Variants in ZNF804B observed in about 807,000 individuals in gnomAD.
The protein encoded by ZNF804B is zinc finger 804B.
A neutral mutation model predicts 101.4 loss-of-function variants in ZNF804B; 80 were observed. The observed-to-expected ratio is 0.79, with a 90% CI of 0.66 to 0.95. The LOEUF is 0.95. ZNF804B is among the 40% of genes least tolerant of loss of function. ZNF804B has a pLI of 0.00. For synonymous variants in ZNF804B, 622 were observed against 558.8 expected (o/e 1.11, Z -1.59); for missense variants, 1,673 against 1,561.9 (o/e 1.07, Z -1.20).
intron 1 of ZNF804B, among the ~76,000 whole-genome samples, chr7:88,849,869 T>C (rs974774531): frequency 6.6e-6 from 1 of 151,982 alleles, no homozygotes; most frequent in Non-Finnish European, 1.5e-5. Flanking sequence ...AAGGCAAAAT[T>C]ATTTTAAACT....
chr7:88,918,276 G>A (rs1274737703), intron 1 of ZNF804B, among the ~76,000 whole-genome samples: 3 of 152,042 alleles, frequency 2.0e-5, no homozygotes, highest in Non-Finnish European at 4.4e-5. Flanking sequence ...TATGCAATGC[G>A]TTAGAATTAT....
At chr7:89,096,168 AAAAG>A (rs1789969708) in intron 1 of ZNF804B, among the ~76,000 whole-genome samples, 1 of 151,872 alleles carries the variant, frequency 6.6e-6, no homozygotes, top group South Asian at 2.1e-4. Flanking sequence ...AAAAAAAAAA[AAAAG>A]AAAATCAGTA....
intron 1 of ZNF804B, among the ~76,000 whole-genome samples, chr7:88,954,694 T>C (rs1793277092): frequency 1.3e-5 from 2 of 151,716 alleles, no homozygotes; most frequent in Non-Finnish European, 2.9e-5. Context: ...GGGTCACCTG[T>C]TAAGGTATCT....
chr7:88,875,501 A>G (rs1791916990), intron 1 of ZNF804B, among the ~76,000 whole-genome samples: 1 of 152,212 alleles, frequency 6.6e-6, no homozygotes, highest in Admixed American at 6.5e-5. Context: ...CCACAGAAAT[A>G]CAAACTACCA....
intron 1 of ZNF804B, among the ~76,000 whole-genome samples, chr7:88,834,512 A>T (rs1431470182): frequency 6.6e-6 from 1 of 151,794 alleles, no homozygotes; most frequent in African/African-American, 2.4e-5. Flanking sequence ...ATGGAGTTAA[A>T]GTAATAGAAA....
intron 1 of ZNF804B, among the ~76,000 whole-genome samples, chr7:89,180,112 A>G (rs1788274588): frequency 6.6e-6 from 1 of 152,166 alleles, no homozygotes; most frequent in Non-Finnish European, 1.5e-5. Flanking sequence ...ACGTCAGCAC[A>G]GTACTGAGTC....
chr7:89,279,764 T>C (rs972989884), intron 2 of ZNF804B, among the ~76,000 whole-genome samples: 43 of 152,012 alleles, frequency 2.8e-4, no homozygotes, highest in Admixed American at 2.6e-3. Context: ...CAGTATTTTA[T>C]TGAGGATTTT....
chr7:89,289,984 G>A (rs965362324), intron 2 of ZNF804B, among the ~76,000 whole-genome samples: 1 of 152,176 alleles, frequency 6.6e-6, no homozygotes. Context: ...AGAGAGAAGA[G>A]TAAAGAGGAC....
At chr7:89,069,666 A>G (rs886753135) in intron 1 of ZNF804B, among the ~76,000 whole-genome samples, 17 of 152,088 alleles carry the variant, frequency 1.1e-4, no homozygotes, top group African/African-American at 3.9e-4. Flanking sequence ...TATGTTTGGA[A>G]CTGTATACAG....
At chr7:88,984,321 A>G (rs1017990183) in intron 1 of ZNF804B, among the ~76,000 whole-genome samples, 4 of 152,102 alleles carry the variant, frequency 2.6e-5, no homozygotes, top group Non-Finnish European at 5.9e-5. Context: ...GAATTTAACT[A>G]GATTGCAAAT....
intron 1 of ZNF804B, among the ~76,000 whole-genome samples, chr7:88,856,960 C>G (rs1020857454): frequency 1.3e-5 from 2 of 152,104 alleles, no homozygotes; most frequent in Non-Finnish European, 1.5e-5. Context: ...ATGAAGCCCA[C>G]TTGATCATGG....
At chr7:89,099,439 GA>G (rs1291558296) in intron 1 of ZNF804B, among the ~76,000 whole-genome samples, 1 of 152,156 alleles carries the variant, frequency 6.6e-6, no homozygotes, top group African/African-American at 2.4e-5. Flanking sequence ...TGCTCACTGG[GA>G]AGCAGCAGCC....
chr7:89,307,723 G>A (rs1450893393), intron 2 of ZNF804B, among the ~76,000 whole-genome samples: 1 of 151,816 alleles, frequency 6.6e-6, no homozygotes, highest in East Asian at 1.9e-4. Context: ...TTTACATGAG[G>A]CACTAATTAT....
chr7:89,073,167 C>G (rs73391237), intron 1 of ZNF804B, among the ~76,000 whole-genome samples: 3,355 of 152,220 alleles, frequency 0.022, 156 homozygotes, highest in African/African-American at 0.076. Context: ...CACTGGAAGT[C>G]AGCATAGGCA....
chr7:88,842,313 C>G (rs1791302206), intron 1 of ZNF804B, among the ~76,000 whole-genome samples: 1 of 152,166 alleles, frequency 6.6e-6, no homozygotes, highest in South Asian at 2.1e-4. Flanking sequence ...CTGCTTCAGC[C>G]ATTGTCATTT....
intron 1 of ZNF804B, among the ~76,000 whole-genome samples, chr7:88,901,055 T>C (rs1279020785): frequency 6.6e-6 from 1 of 151,974 alleles, no homozygotes; most frequent in East Asian, 1.9e-4. Flanking sequence ...AGTGGCTTTT[T>C]CAGCCATTAT....
rs776998397 is a variant in ZNF804B, at chr7:89,334,055, A to C, written c.1073A>C (p.Asn358Thr). 1 of 1,613,592 alleles carries C rather than the reference A, an allele frequency of 6.2e-7. No individual in the cohort carries two copies. The highest frequency in any genetic ancestry group is 1.1e-5 in the South Asian group (1 of 91,070). Residue 358 changes from asparagine (N) to threonine (T), a missense_variant, in exon 4 of 4, where the codon AAT becomes ACT. By Grantham distance (65) the Asn-to-Thr change is moderately conservative. Transcript: ENST00000333190. ...AAGAACACTTTAGAAAATTGTGTTA[A>C]TCACCCATGCCAAGCAAATGCTTCC... ...TLKNTLENCV[N>T]HPCQANASFS...
At chr7:88,854,708 C>T (rs1472665033) in intron 1 of ZNF804B, among the ~76,000 whole-genome samples, 1 of 149,638 alleles carries the variant, frequency 6.7e-6, no homozygotes, top group South Asian at 2.1e-4. Flanking sequence ...CACCCATTAA[C>T]TCATCATTTA....
chr7:88,984,019 A>G (rs1032284335), intron 1 of ZNF804B, among the ~76,000 whole-genome samples: 6 of 152,236 alleles, frequency 3.9e-5, no homozygotes, highest in Middle Eastern at 6.8e-3. Flanking sequence ...AGACATTATT[A>G]TCTGCATTTC....
Sources: allele counts gnomAD v4.1 joint callset (sites outside exome capture counted in the v4.1 genomes callset), GRCh38; gene constraint gnomAD v4.1.1; transcripts MANE v1.5; gene names NCBI Gene and HGNC (gene_info 2026-07-23, HGNC 2026-07-21).